The following TIGD5 variants were observed in gnomAD, a reference collection of about 807,000 sequenced individuals.
TIGD5 encodes the protein tigger transposable element derived 5.
In TIGD5, 24 loss-of-function variants were observed where a neutral mutation model predicts 28.8. That is an observed-to-expected ratio of 0.83 (90% CI 0.60 to 1.17). TIGD5 has a LOEUF of 1.17. Ranked by LOEUF, TIGD5 falls within the 50% of genes most tolerant of loss-of-function variation. The pLI is 0.00. For missense variants in TIGD5, 922 were observed against 911.4 expected, an observed-to-expected ratio of 1.01 and a Z score of -0.15; for synonymous variants, 538 against 430.5, an observed-to-expected ratio of 1.25 and a Z score of -3.09.
Position 143,598,866 on chromosome 8 carries a change from C to A in TIGD5, c.963C>A (p.Ala321=), listed in dbSNP as rs537639306. The A allele has an allele frequency of 3.7e-6, 6 of 1,600,162 alleles. No individual in the cohort carries two copies. In the South Asian group the frequency reaches 5.5e-5, roughly 15 times the overall value. ...FPASYRYSPD[A]WLSRPLLRGW... ...CCTCCTACCGCTACAGCCCCGACGC[C>A]TGGCTCAGCCGCCCGCTGCTGCGGG... The change falls in exon 1 of 1, where the codon GCC becomes GCA. Residue 321 remains alanine (A), a synonymous_variant. Transcript: ENST00000504548. This position sits in a 1 kb window ranked among gnomAD's most constrained non-coding sequence, Gnocchi z 6.6.
In TIGD5 at chr8:143,597,832, A is replaced by G. The variant is rs1221564453; in HGVS notation, c.-72A>G. 1 of 229,540 alleles carries G rather than the reference A, an allele frequency of 4.4e-6. No individual in the cohort carries two copies. Among genetic ancestry groups the G allele is most frequent in the Non-Finnish European group, 7.0e-6 (1 of 142,320 alleles). The allele number at this position is 229,540 out of a possible 1,614,324, so 14.2% of individuals were successfully genotyped here. Reference sequence around the variant, plus strand: ...AGGGACCCGTGCGGCCCCGCCCCCGAGTGCCCCGCCCCGAGCGGCTGGGCG... The same window carrying G: ...AGGGACCCGTGCGGCCCCGCCCCCGGGTGCCCCGCCCCGAGCGGCTGGGCG... On this transcript the variant is annotated 5_prime_UTR_variant, in exon 1 of 1. Coordinates refer to ENST00000504548, the MANE Select transcript of TIGD5 (RefSeq NM_032862.5).
In TIGD5 at chr8:143,598,143, C is replaced by G. The variant is rs1358521019; in HGVS notation, c.240C>G (p.Asp80Glu). The change falls in exon 1 of 1, where the codon GAC becomes GAG. Residue 80 changes from aspartate (D) to glutamate (E), a missense_variant. Physicochemically the swap from Asp to Glu is conservative, Grantham distance 45 (BLOSUM62 2). Transcript: ENST00000504548. This position sits in a 1 kb window ranked among gnomAD's most constrained non-coding sequence, Gnocchi z 6.6. ...AGCGGCAGGCCAGTGTGTGCCGCGA[C>G]TTCGGCGTGCCGGGCGGGACGCTGC... ...GGERQASVCR[D>E]FGVPGGTLRG... 6.3e-7 allele frequency: 1 copy of G among 1,592,162 alleles called. No individual in the cohort carries two copies. Among genetic ancestry groups the G allele is most frequent in the South Asian group, 1.1e-5 (1 of 88,718 alleles).
In TIGD5 at chr8:143,600,698, A is replaced by G. The variant is rs1829248136; in HGVS notation, c.*866A>G. The G allele has an allele frequency of 6.6e-6, 1 of 152,242 alleles. No homozygotes were observed. 9.4% of individuals were successfully genotyped at this position (152,242 alleles called of 1,614,324 possible). A position where few individuals can be genotyped will look rare whatever the true frequency, so the allele number is the denominator to read the frequency against. ...GGCATTAGCCCCCAGGGCAATACGCAGTGCCACCCTCTGTGGGCTCTCCTC... is the reference window on the plus strand; with the variant it reads ...GGCATTAGCCCCCAGGGCAATACGCGGTGCCACCCTCTGTGGGCTCTCCTC... On this transcript the variant is annotated 3_prime_UTR_variant, in exon 1 of 1. Transcript: ENST00000504548.
rs767051146 is a variant in TIGD5 at position 143,599,193 on chromosome 8, G to A, written c.1290G>A (p.Lys430=). 5 of 1,610,914 alleles carry A rather than the reference G, an allele frequency of 3.1e-6. No individual in the cohort carries two copies. Among genetic ancestry groups the A allele is most frequent in the Admixed American group, 3.3e-5 (2 of 59,884 alleles). Residue 430 remains lysine, a synonymous_variant, in exon 1 of 1, where the codon AAG becomes AAA. Coordinates refer to ENST00000504548, the MANE Select transcript of TIGD5 (RefSeq NM_032862.5). ...GVVAAFKQLY[K]RELLRLAVSC... is the part of the protein sequence containing the mutation. ...TGGCCGCCTTCAAACAGCTGTACAA[G>A]CGCGAGCTGCTGCGACTGGCTGTGT...
rs1225063904 is a variant in TIGD5 at position 143,599,398 on chromosome 8, C to T, written c.1495C>T (p.Gln499Ter). The T allele has an allele frequency of 6.4e-7, 1 of 1,566,990 alleles. No homozygotes were observed. Among genetic ancestry groups the T allele is most frequent in the Non-Finnish European group, 8.6e-7 (1 of 1,156,824 alleles). ...CGAGGACAGTGCTGGGCAGCCGGCC[C>T]AGGCCGAGGAAGCCGCCGAGCACAG... Reference protein sequence around the residue: ...PGEDSAGQPAQAEEAAEHSRV... With the variant: ...PGEDSAGQPA The change falls in exon 1 of 1, where the codon CAG becomes TAG. Residue 499 changes from glutamine to a stop codon, truncating the protein, a stop_gained. Transcript: ENST00000504548. LOFTEE classifies it low-confidence loss of function (END_TRUNC).
Position 143,598,675 on chromosome 8 carries a change from G to T in TIGD5, c.772G>T (p.Ala258Ser). 6.7e-7 allele frequency: 1 copy of T among 1,500,466 alleles called. No homozygotes were observed. 92.9% of individuals were successfully genotyped at this position (1,500,466 alleles called of 1,614,324 possible). A position where few individuals can be genotyped will look rare whatever the true frequency, so the allele number is the denominator to read the frequency against. Residue 258 changes from alanine to serine, a missense_variant, in exon 1 of 1, where the codon GCA (alanine) becomes TCA (serine). By Grantham distance (99) the Ala-to-Ser change is moderately conservative. Coordinates refer to ENST00000504548, the MANE Select transcript of TIGD5 (RefSeq NM_032862.5). This position sits in a 1 kb window ranked among gnomAD's most constrained non-coding sequence, Gnocchi z 6.6. Reference protein sequence around the residue: ...LLPEQAAPPGAGDPGAGGCGR... With the variant: ...LLPEQAAPPGSGDPGAGGCGR... ...TCCGGAGCAGGCTGCGCCCCCGGGC[G>T]CAGGGGACCCCGGGGCGGGGGGCTG... is the stretch of plus-strand genomic sequence containing the variant.
rs762791778 is a variant in TIGD5, at chr8:143,599,289, C to T, written c.1386C>T (p.Gly462=). The change falls in exon 1 of 1, where the codon GGC becomes GGT. Residue 462 remains glycine (G), a synonymous_variant. Coordinates refer to ENST00000504548, the MANE Select transcript of TIGD5 (RefSeq NM_032862.5). ...TCAAGGACATGCTCTACCTGGCTGG[C>T]CTCTCCTGGGACCTGGTGCAGGCGG... ...FMLKDMLYLA[G]LSWDLVQAGS... is the part of the protein sequence containing the mutation. The T allele has an allele frequency of 1.2e-5, 19 of 1,609,778 alleles. No homozygotes were observed. The Admixed American group carries it at 1.3e-4, about 11-fold the overall frequency.
rs1829292359 is a variant in TIGD5 at position 143,602,968 on chromosome 8, A to G, written c.*3136A>G. ...ATGTCCACTGGGCTGCGGATGAAAC[A>G]TCACACTGTGGTAGGAAAGGAAGGG... On this transcript the variant is annotated 3_prime_UTR_variant, in exon 1 of 1. Coordinates refer to ENST00000504548, the MANE Select transcript of TIGD5 (RefSeq NM_032862.5). The G allele has an allele frequency of 6.6e-6, 1 of 152,274 alleles. No homozygotes were observed. The highest frequency in any genetic ancestry group is 6.5e-5 in the Admixed American group (1 of 15,286). 9.4% of individuals were successfully genotyped at this position (152,274 alleles called of 1,614,324 possible). A position where few individuals can be genotyped will look rare whatever the true frequency, so the allele number is the denominator to read the frequency against.
Position 143,599,592 on chromosome 8 carries a change from T to G in TIGD5, c.1689T>G (p.Ser563Arg). The change falls in exon 1 of 1, where the codon AGT (serine) becomes AGG (arginine). Residue 563 changes from serine to arginine, a missense_variant. Ser to Arg is a moderately radical substitution (Grantham distance 110, BLOSUM62 -1). This residue lies in a region of TIGD5 where 821 missense variants were observed against 815.2 expected (regional missense o/e 1.01). Transcript: ENST00000504548. ...LPPAAPPAPA[S>R]LPSAMGGGED... The stretch of plus-strand genomic sequence containing the variant: ...CTGCAGCGCCTCCGGCCCCAGCCAG[T>G]CTGCCCTCTGCCATGGGGGGCGGAG... The G allele has an allele frequency of 6.5e-7, 1 of 1,530,964 alleles. No individual in the cohort carries two copies. The highest frequency in any genetic ancestry group is 1.3e-5 in the South Asian group (1 of 78,774). 94.8% of individuals were successfully genotyped at this position (1,530,964 alleles called of 1,614,324 possible).
In TIGD5 at chr8:143,598,291, G is replaced by T; in HGVS notation, c.388G>T (p.Ala130Ser). The T allele has an allele frequency of 3.1e-6, 5 of 1,609,518 alleles. No individual in the cohort carries two copies. The highest frequency in any genetic ancestry group is 1.7e-4 in the Middle Eastern group (1 of 6,020). Residue 130 changes from alanine to serine, a missense_variant, in exon 1 of 1, where the codon GCC becomes TCC. Ala to Ser is a moderately conservative substitution (Grantham distance 99, BLOSUM62 1). Coordinates refer to ENST00000504548, the MANE Select transcript of TIGD5 (RefSeq NM_032862.5). The surrounding 1 kb of genome is among the most constrained non-coding windows in gnomAD (Gnocchi z 6.6). Reference sequence around the variant, plus strand: ...GGAGGAGATCGACCGCGCCGTGTACGCCTGGTTCCTGGCGCTGCGCCAGCA... The same window carrying T: ...GGAGGAGATCGACCGCGCCGTGTACTCCTGGTTCCTGGCGCTGCGCCAGCA... ...NEEEIDRAVY[A>S]WFLALRQHGV...
At position 143,598,555 on chromosome 8, in the gene TIGD5, G is replaced by T; in HGVS notation, c.652G>T (p.Asp218Tyr). 4 of 1,310,394 alleles carry T rather than the reference G, an allele frequency of 3.1e-6. No individual in the cohort carries two copies. In the South Asian group the frequency reaches 6.6e-5, roughly 21 times the overall value. The allele number at this position is 1,310,394 out of a possible 1,614,324, so 81.2% of individuals were successfully genotyped here. The change falls in exon 1 of 1, where the codon GAC becomes TAC. Residue 218 changes from aspartate to tyrosine, a missense_variant. Asp to Tyr is a radical substitution (Grantham distance 160, BLOSUM62 -3). Around this residue, in one of 3 missense-constraint regions of TIGD5, gnomAD observed 821 missense variants for 815.2 expected, o/e 1.01. Transcript: ENST00000504548. The surrounding 1 kb of genome is among the most constrained non-coding windows in gnomAD (Gnocchi z 6.6). Reference protein sequence around the residue: ...ALPSGAGPLPDRAPAPPPPAE... With the variant: ...ALPSGAGPLPYRAPAPPPPAE... ...GCCCTCCGGCGCCGGCCCCCTGCCC[G>T]ACCGCGCCCCGGCCCCGCCGCCCCC...
rs1183060395 is a variant in TIGD5 at position 143,599,516 on chromosome 8, A to T, written c.1613A>T (p.Asp538Val). ...EVAEWLHLDD[D>V]GGPPEGCREE... ...GCGGAGTGGCTGCACCTGGACGATG[A>T]TGGGGGTCCGCCCGAGGGCTGCAGG... The change falls in exon 1 of 1, where the codon GAT becomes GTT. Residue 538 changes from aspartate (D) to valine (V), a missense_variant. Physicochemically the swap from Asp to Val is radical, Grantham distance 152 (BLOSUM62 -3). Coordinates refer to ENST00000504548, the MANE Select transcript of TIGD5 (RefSeq NM_032862.5). 6.3e-7 allele frequency: 1 copy of T among 1,588,834 alleles called. No homozygotes were observed. Among genetic ancestry groups the T allele is most frequent in the African/African-American group, 1.3e-5 (1 of 74,456 alleles).
chr8:143,599,365 C>T lies in TIGD5; in HGVS notation c.1462C>T (p.Arg488Trp). 3 of 1,574,818 alleles carry T rather than the reference C, an allele frequency of 1.9e-6. No individual in the cohort carries two copies. The highest frequency in any genetic ancestry group is 1.7e-6 in the Non-Finnish European group (2 of 1,161,518). ...LLGLRAAFEP[R>W]PGEDSAGQPA... is the part of the protein sequence containing the mutation. The stretch of plus-strand genomic sequence containing the variant: ...GGGCCTGCGGGCTGCCTTCGAGCCC[C>T]GGCCCGGCGAGGACAGTGCTGGGCA... The change falls in exon 1 of 1, where the codon CGG becomes TGG. Residue 488 changes from arginine to tryptophan, a missense_variant. By Grantham distance (101) the Arg-to-Trp change is moderately radical. Transcript: ENST00000504548.
rs374044512 is a variant in TIGD5 at position 143,599,321 on chromosome 8, T to C, written c.1418T>C (p.Ile473Thr). 1.7e-4 allele frequency: 272 copies of C among 1,602,162 alleles called. No individual in the cohort carries two copies. The highest frequency in any genetic ancestry group is 1.7e-4 in the Non-Finnish European group (205 of 1,175,302). The change falls in exon 1 of 1, where the codon ATT becomes ACT. Residue 473 changes from isoleucine (I) to threonine (T), a missense_variant. This residue lies in a region of TIGD5 where 821 missense variants were observed against 815.2 expected (regional missense o/e 1.01). Coordinates refer to ENST00000504548, the MANE Select transcript of TIGD5 (RefSeq NM_032862.5). ...TGGGACCTGGTGCAGGCGGGCAGCA[T>C]TGAGCGCTGCTGGCTGCTGGGCCTG... ...LSWDLVQAGSIERCWLLGLRA... is the reference protein window; with the variant it reads ...LSWDLVQAGSTERCWLLGLRA...
Position 143,599,021 on chromosome 8 carries a change from A to G in TIGD5, c.1118A>G (p.Asp373Gly). ...CCAGCTGCCAGTATGCCCGCCCTGG[A>G]CAGCGAGGATGCCCCCGTGCGGTGC... ...PSPAASMPAL[D>G]SEDAPVRCRP... The change falls in exon 1 of 1, where the codon GAC becomes GGC. Residue 373 changes from aspartate (D) to glycine (G), a missense_variant. By Grantham distance (94) the Asp-to-Gly change is moderately conservative (BLOSUM62 -1). Coordinates refer to ENST00000504548, the MANE Select transcript of TIGD5 (RefSeq NM_032862.5). 6.4e-7 allele frequency: 1 copy of G among 1,571,730 alleles called. No homozygotes were observed. Among genetic ancestry groups the G allele is most frequent in the Non-Finnish European group, 8.6e-7 (1 of 1,166,058 alleles).
chr8:143,598,799 A>C lies in TIGD5; in HGVS notation c.896A>C (p.Asp299Ala), dbSNP rs1829169253. The C allele has an allele frequency of 1.9e-6, 3 of 1,598,808 alleles. No individual in the cohort carries two copies. Among genetic ancestry groups the C allele is most frequent in the Non-Finnish European group, 8.5e-7 (1 of 1,178,910 alleles). Residue 299 changes from aspartate (D) to alanine (A), a missense_variant, in exon 1 of 1, where the codon GAC becomes GCC. By Grantham distance (126) the Asp-to-Ala change is moderately radical. This residue lies in a region of TIGD5 where 821 missense variants were observed against 815.2 expected (regional missense o/e 1.01). Coordinates refer to ENST00000504548, the MANE Select transcript of TIGD5 (RefSeq NM_032862.5). This position sits in a 1 kb window ranked among gnomAD's most constrained non-coding sequence, Gnocchi z 6.6. ...LKPLVIGRLP[D>A]PPSLRHHNQD... is the part of the protein sequence containing the mutation. ...CCGCTGGTCATCGGGCGGCTGCCGGACCCGCCCAGCCTGCGCCACCACAAC... is the reference window on the plus strand; with the variant it reads ...CCGCTGGTCATCGGGCGGCTGCCGGCCCCGCCCAGCCTGCGCCACCACAAC...
In TIGD5 at chr8:143,601,268, G is replaced by A. The variant is rs186071998; in HGVS notation, c.*1436G>A. 8 of 152,354 alleles carry A rather than the reference G, an allele frequency of 5.3e-5. No individual in the cohort carries two copies. In the East Asian group the frequency reaches 1.5e-3, roughly 29 times the overall value. The allele number at this position is 152,354 out of a possible 1,614,324, so 9.4% of individuals were successfully genotyped here. ...ATCTCAAAATCTGAGAGCTCAGGGA[G>A]GCCGTGGAAATTTGGGGAAGAAGAA... On this transcript the variant is annotated 3_prime_UTR_variant, in exon 1 of 1. Coordinates refer to ENST00000504548, the MANE Select transcript of TIGD5 (RefSeq NM_032862.5).
In TIGD5 at chr8:143,599,487, G is replaced by A. The variant is rs570354285; in HGVS notation, c.1584G>A (p.Glu528=). The A allele has an allele frequency of 5.7e-6, 9 of 1,592,570 alleles. No individual in the cohort carries two copies. The highest frequency in any genetic ancestry group is 4.0e-5 in the African/African-American group (3 of 74,682). Residue 528 remains glutamate (E), a synonymous_variant, in exon 1 of 1, where the codon GAG becomes GAA. Transcript: ENST00000504548. ...ALAYKCLAPE[E]VAEWLHLDDD... ...CCTACAAGTGCCTGGCTCCGGAGGA[G>A]GTTGCGGAGTGGCTGCACCTGGACG...
At position 143,597,984 on chromosome 8, in the gene TIGD5, A is replaced by G; in HGVS notation, c.81A>G (p.Pro27=). The G allele has an allele frequency of 1.0e-6, 1 of 973,552 alleles. No individual in the cohort carries two copies. 60.3% of individuals were successfully genotyped at this position (973,552 alleles called of 1,614,324 possible). A position where few individuals can be genotyped will look rare whatever the true frequency, so the allele number is the denominator to read the frequency against. ...RPLPGPPAPA[P]APVPAARPPP... is the part of the protein sequence containing the mutation. The stretch of plus-strand genomic sequence containing the variant: ...TGCCCGGGCCCCCCGCGCCCGCCCC[A>G]GCCCCCGTCCCCGCTGCACGGCCGC... Residue 27 remains proline (P), a synonymous_variant, in exon 1 of 1, where the codon CCA becomes CCG. Coordinates refer to ENST00000504548, the MANE Select transcript of TIGD5 (RefSeq NM_032862.5).
Sources: allele counts gnomAD v4.1 joint callset, GRCh38; gene constraint gnomAD v4.1.1; regional missense constraint gnomAD v4.1.1; non-coding constraint Gnocchi (gnomAD v3.1); transcripts MANE v1.5; gene names NCBI Gene and HGNC (gene_info 2026-07-23, HGNC 2026-07-21).